Variants in PTPRD observed in about 807,000 individuals in gnomAD.
PTPRD encodes the protein protein tyrosine phosphatase receptor type D.
In PTPRD, 34 loss-of-function variants were observed where a neutral mutation model predicts 214.5. The observed-to-expected ratio is 0.16, with a 90% confidence interval of 0.12 to 0.21. The LOEUF (loss-of-function observed/expected upper bound fraction) is 0.21. Among genes scored for constraint, PTPRD ranks in the 10% least tolerant of loss-of-function variants. The probability of loss-of-function intolerance (pLI) is 1.00; values close to 1 mark genes in which losing one functional copy is unlikely to be tolerated. For missense variants in PTPRD, 2,545 were observed against 2,398.7 expected (o/e 1.06, Z -1.27); for synonymous variants, 1,128 against 845.7 (o/e 1.33, Z -5.79).
At chr9:10,218,783 G>A (rs566560551) in intron 3 of PTPRD, among the ~76,000 whole-genome samples, 21 of 151,760 alleles carry the variant, frequency 1.4e-4, no homozygotes, top group Non-Finnish European at 2.4e-4. Context: ...AACATTCTAC[G>A]TGTTGTTACT....
At chr9:10,372,694 C>CACA (rs1467592861) in intron 2 of PTPRD, among the ~76,000 whole-genome samples, 1 of 151,862 alleles carries the variant, frequency 6.6e-6, no homozygotes, top group Non-Finnish European at 1.5e-5. Flanking sequence ...AAATGGATAA[C>CACA]TTGTAAGTTC....
intron 5 of PTPRD, among the ~76,000 whole-genome samples, chr9:9,840,537 G>A (rs547921847): frequency 2.0e-4 from 30 of 151,922 alleles, no homozygotes; most frequent in African/African-American, 7.2e-4. Flanking sequence ...ATTGGAGTAA[G>A]GAGCCAAAAG....
At chr9:8,721,790 A>T (rs972779321) in intron 12 of PTPRD, among the ~76,000 whole-genome samples, 2 of 152,216 alleles carry the variant, frequency 1.3e-5, no homozygotes, top group Non-Finnish European at 2.9e-5. Context: ...CTCTTTCCCA[A>T]TTCGCACAGC....
chr9:10,230,926 C>T (rs1373457787), intron 3 of PTPRD, among the ~76,000 whole-genome samples: 1 of 151,948 alleles, frequency 6.6e-6, no homozygotes, highest in African/African-American at 2.4e-5. Flanking sequence ...TCTAGGCTAT[C>T]ACGTACATTG....
intron 3 of PTPRD, among the ~76,000 whole-genome samples, chr9:10,211,628 A>T (rs1300491818): frequency 6.6e-6 from 1 of 152,204 alleles, no homozygotes; most frequent in African/African-American, 2.4e-5. Flanking sequence ...CTAAATAGAA[A>T]TTACATAATG....
rs1411983395 is a variant in PTPRD at position 9,787,470 on chromosome 9, T to C, written c.-367-20619A>G. Reference sequence around the variant, plus strand: ...CCTTTACAGTCCAAAATTTAATTAATGTTACTTTTTTTCTGTCAATTTTCT... The same window carrying C: ...CCTTTACAGTCCAAAATTTAATTAACGTTACTTTTTTTCTGTCAATTTTCT... On this transcript the variant is annotated intron_variant, in intron 5 of 45. Transcript: ENST00000381196. 2.7e-5 allele frequency among the ~76,000 whole-genome samples: 4 copies of C among 150,190 alleles called. No individual in the cohort carries two copies. In the East Asian group the frequency reaches 7.8e-4, roughly 29 times the overall value.
chr9:10,177,958 C>A (rs1347533224), intron 3 of PTPRD, among the ~76,000 whole-genome samples: 1 of 151,780 alleles, frequency 6.6e-6, no homozygotes, highest in Non-Finnish European at 1.5e-5. Flanking sequence ...GGGAGCAGTC[C>A]AGAGATAGGT....
chr9:8,517,654 T>C (rs945955674), intron 21 of PTPRD, among the ~76,000 whole-genome samples, 194 bp downstream of exon 21: 1 of 152,224 alleles, frequency 6.6e-6, no homozygotes, highest in African/African-American at 2.4e-5. Context: ...TAATGCATTG[T>C]TCTGCTCAAA....
intron 39 of PTPRD, among the ~76,000 whole-genome samples, chr9:8,354,334 T>C (rs2076432434): frequency 6.6e-6 from 1 of 152,166 alleles, no homozygotes; most frequent in Non-Finnish European, 1.5e-5. Flanking sequence ...AACACATTCA[T>C]CCAATGAAAT....
chr9:10,141,751 C>G (rs1564085003), intron 3 of PTPRD, among the ~76,000 whole-genome samples: 1 of 152,154 alleles, frequency 6.6e-6, no homozygotes, highest in African/African-American at 2.4e-5. Flanking sequence ...GAAAAAACTA[C>G]TTTAAAGTTC....
chr9:8,953,845 T>C (rs1040321684), intron 11 of PTPRD, among the ~76,000 whole-genome samples: 6 of 151,614 alleles, frequency 4.0e-5, no homozygotes, highest in African/African-American at 1.2e-4. Flanking sequence ...AAGTGAAAAA[T>C]AACAGATATT....
intron 5 of PTPRD, among the ~76,000 whole-genome samples, chr9:9,903,040 A>C (rs998192474): frequency 1.3e-5 from 2 of 151,586 alleles, no homozygotes; most frequent in African/African-American, 2.4e-5. Flanking sequence ...AGTAAAAATC[A>C]AGGATTTTAC....
chr9:9,824,811 T>A (rs1283953283), intron 5 of PTPRD, among the ~76,000 whole-genome samples: 1 of 152,044 alleles, frequency 6.6e-6, no homozygotes, highest in East Asian at 1.9e-4. Flanking sequence ...AAATCTTGCC[T>A]GGTAAGACAA....
intron 14 of PTPRD, among the ~76,000 whole-genome samples, chr9:8,626,734 C>T (rs2096054914): frequency 6.6e-6 from 1 of 151,592 alleles, no homozygotes; most frequent in Non-Finnish European, 1.5e-5. Flanking sequence ...CTTTTTCATG[C>T]CTTTGGACCC....
At chr9:10,285,055 A>C (rs1282546842) in intron 3 of PTPRD, among the ~76,000 whole-genome samples, 2 of 152,190 alleles carry the variant, frequency 1.3e-5, no homozygotes, top group Non-Finnish European at 1.5e-5. Context: ...ATTTAATTTT[A>C]ACTGCTTACT....
intron 10 of PTPRD, among the ~76,000 whole-genome samples, chr9:9,146,839 A>T (rs2099869371): frequency 6.6e-6 from 1 of 152,196 alleles, no homozygotes; most frequent in Non-Finnish European, 1.5e-5. Flanking sequence ...ATAGTTTATA[A>T]ATAGGTGGAC....
intron 5 of PTPRD, among the ~76,000 whole-genome samples, chr9:9,772,007 G>A (rs529664017): frequency 2.6e-5 from 4 of 152,200 alleles, no homozygotes; most frequent in Non-Finnish European, 5.9e-5. Context: ...GGTGTTATGC[G>A]CTGAATTGTG....
chr9:8,709,625 C>G (rs2098286162), intron 12 of PTPRD, among the ~76,000 whole-genome samples: 1 of 151,858 alleles, frequency 6.6e-6, no homozygotes, highest in African/African-American at 2.4e-5. Flanking sequence ...ACATTGGCTA[C>G]TTAGCCAAAT....
intron 2 of PTPRD, among the ~76,000 whole-genome samples, chr9:10,570,815 G>A (rs573211282): frequency 1.1e-4 from 17 of 151,948 alleles, no homozygotes; most frequent in Admixed American, 8.5e-4. Flanking sequence ...GTGCTCTATT[G>A]GCTTACTATC....
Sources: gnomAD v4.1 joint callset for allele counts (sites outside exome capture counted in the v4.1 genomes callset) on GRCh38, gnomAD v4.1.1 for gene constraint, MANE v1.5 for transcripts, NCBI Gene and HGNC (gene_info 2026-07-23, HGNC 2026-07-21) for gene names.